The following TMEM25 variants were observed in gnomAD, a reference collection of about 807,000 sequenced individuals.
TMEM25 encodes 0610039J01Rik.
In TMEM25, 36 loss-of-function variants were observed where a neutral mutation model predicts 37.0. The ratio of observed to expected loss-of-function variants is 0.97; its 90% CI spans 0.75 to 1.28. TMEM25 has a LOEUF of 1.28. Ranked by LOEUF, TMEM25 falls within the 50% of genes most tolerant of loss-of-function variation. The pLI, the probability that TMEM25 is intolerant of heterozygous loss-of-function variation, is 0.00. For synonymous variants in TMEM25, 197 were observed against 203.7 expected (o/e 0.97, Z 0.28); for missense variants, 444 against 477.9 (o/e 0.93, Z 0.66).
Position 118,534,372 on chromosome 11 carries a change from C to G in TMEM25, c.1027+17C>G. On this transcript the variant is annotated intron_variant, in intron 8 of 8. Transcript: ENST00000313236. This position sits in a 1 kb window ranked among gnomAD's most constrained non-coding sequence, Gnocchi z 4.6. ...CCAGCCAAGGTACTGGGGAAGGGGC[C>G]TGCCACCCTCCTCCTCTGCCCCCCA... 6.2e-7 allele frequency: 1 copy of G among 1,613,150 alleles called. No individual in the cohort carries two copies. The highest frequency in any genetic ancestry group is 8.5e-7 in the Non-Finnish European group (1 of 1,179,618).
Position 118,545,911 on chromosome 11 carries a change from A to ACTCT in TMEM25, c.1028-199_1028-196dup, listed in dbSNP as rs538187192. 4.6e-4 allele frequency: 661 copies of ACTCT among 1,441,152 alleles called. 2 individuals are homozygous for ACTCT. The African/African-American group carries it at 7.9e-3, about 17-fold the overall frequency. The allele number at this position is 1,441,152 out of a possible 1,614,324, so 89.3% of individuals were successfully genotyped here. ...GGATGGTGTCAGTGGTCCCAGAACC[A>ACTCT]CTCTCTCTCTCTGAAGCAAAAGAGC... On this transcript the variant is annotated intron_variant, in intron 8 of 8. Coordinates refer to the TMEM25 transcript ENST00000354284.
At chr11:118,545,816 G>A (rs1230517039) in intron 8 of TMEM25, 2 of 1,614,072 alleles carry the variant, frequency 1.2e-6, no homozygotes, top group Non-Finnish European at 1.7e-6. Flanking sequence ...AATGTACTCT[G>A]CCAGGCTGCA....
intron 8 of TMEM25, chr11:118,545,579 GGCAGATGGGGTGTC>G: frequency 8.2e-7 from 1 of 1,217,350 alleles, no homozygotes; most frequent in Non-Finnish European, 1.2e-6. Flanking sequence ...GCAAAGCCCT[GGCAGATGGGGTGTC>G]GCTATGACTT....
At chr11:118,544,681 C>G in intron 8 of TMEM25, 1 of 446,066 alleles carries the variant, frequency 2.2e-6, no homozygotes, top group Non-Finnish European at 4.0e-6. Flanking sequence ...TCTTATAACT[C>G]AAATCCCCAC....
In TMEM25 at chr11:118,545,817, C is replaced by T. The variant is rs782657953; in HGVS notation, c.1028-302C>T. On this transcript the variant is annotated intron_variant, in intron 8 of 8. Transcript: ENST00000354284. ...CCACAGATCATGTCAATGTACTCTGCCAGGCTGCAATCAATCTCTGCCGTG... is the reference window on the plus strand; with the variant it reads ...CCACAGATCATGTCAATGTACTCTGTCAGGCTGCAATCAATCTCTGCCGTG... 177 of 1,614,044 alleles carry T rather than the reference C, an allele frequency of 1.1e-4. No individual in the cohort carries two copies. The highest frequency in any genetic ancestry group is 1.5e-4 in the Non-Finnish European group (173 of 1,180,024).
At position 118,531,765 on chromosome 11, in the gene TMEM25, C is replaced by A; in HGVS notation, c.-27-10C>A. ...GTCACCTGGCTGACAGGCCCGCCCC[C>A]TTCTCTCAGCAGCCTAGGGCCTAGG... On this transcript the variant is annotated splice_polypyrimidine_tract_variant and intron_variant, in intron 1 of 8. Transcript: ENST00000313236. The A allele has an allele frequency of 1.3e-6, 2 of 1,533,674 alleles. No homozygotes were observed. Among genetic ancestry groups the A allele is most frequent in the Non-Finnish European group, 1.8e-6 (2 of 1,137,978 alleles).
chr11:118,545,197 ACTC>A (rs1162747157), intron 8 of TMEM25, among the ~76,000 whole-genome samples: 3 of 150,748 alleles, frequency 2.0e-5, no homozygotes, highest in African/African-American at 7.3e-5. Flanking sequence ...AAGGCCCACA[ACTC>A]CTACTTCCAC....
At chr11:118,543,493 T>G (rs184328337) in intron 8 of TMEM25, among the ~76,000 whole-genome samples, 1 of 152,166 alleles carries the variant, frequency 6.6e-6, no homozygotes, top group African/African-American at 2.4e-5. Context: ...ATCATATTAT[T>G]ATATATTTTT....
chr11:118,542,854 G>A (rs1489742244), intron 8 of TMEM25, among the ~76,000 whole-genome samples: 5 of 150,262 alleles, frequency 3.3e-5, no homozygotes, highest in Middle Eastern at 3.3e-3. Context: ...CAGAGGCTGC[G>A]GTATGCCAAG....
chr11:118,542,600 C>T (rs1555065848), intron 8 of TMEM25, among the ~76,000 whole-genome samples: 1 of 151,658 alleles, frequency 6.6e-6, no homozygotes. Flanking sequence ...AAGAACTTGT[C>T]TCTACAAAAA....
chr11:118,534,108 G>T lies in TMEM25; in HGVS notation c.916G>T (p.Asp306Tyr), dbSNP rs1951427750. 6.2e-7 allele frequency: 1 copy of T among 1,613,992 alleles called. No homozygotes were observed. The highest frequency in any genetic ancestry group is 1.3e-5 in the African/African-American group (1 of 74,896). The stretch of plus-strand genomic sequence containing the variant: ...CCTCCCGTCCAACCTTCAGCTCAAT[G>T]ACCTCACTCCAGATTCCAGAGGTAT... ...MSLPSNLQLN[D>Y]LTPDSRAVKP... Residue 306 changes from aspartate to tyrosine, a missense_variant, in exon 7 of 9, where the codon GAC becomes TAC. Transcript: ENST00000313236. This position sits in a 1 kb window ranked among gnomAD's most constrained non-coding sequence, Gnocchi z 4.6.
At chr11:118,542,611 A>T (rs973181009) in intron 8 of TMEM25, among the ~76,000 whole-genome samples, 83 of 152,048 alleles carry the variant, frequency 5.5e-4, no homozygotes, top group African/African-American at 1.8e-3. Flanking sequence ...TCTACAAAAA[A>T]ATATATATAT....
At position 118,532,939 on chromosome 11, in the gene TMEM25, C is replaced by T. The variant is rs782295096; in HGVS notation, c.405C>T (p.Val135=). ...CAGTCAAGCCAGAGATTGCCCAAGT[C>T]GGCGCCAAGTACCAGGAAGCTCAGG... ...NVQFKPEIAQ[V]GAKYQEAQGP... is the part of the protein sequence containing the mutation. Residue 135 remains valine (V), a synonymous_variant, in exon 4 of 9, where the codon GTC becomes GTT. Transcript: ENST00000313236. The T allele has an allele frequency of 9.3e-6, 15 of 1,613,506 alleles. No individual in the cohort carries two copies. Among genetic ancestry groups the T allele is most frequent in the African/African-American group, 4.0e-5 (3 of 74,912 alleles).
At chr11:118,536,386 T>C (rs1169034627), downstream of TMEM25, among the ~76,000 whole-genome samples, 3 of 151,602 alleles carry the variant, frequency 2.0e-5, no homozygotes, top group African/African-American at 7.3e-5. Flanking sequence ...AGAGATGGGG[T>C]TTCTCCATGT....
In TMEM25 at chr11:118,532,438, CCT is replaced by C. The variant is rs1208520840; in HGVS notation, c.362_363del (p.Ser121CysfsTer4). 1.9e-6 allele frequency: 3 copies of C among 1,613,424 alleles called. No individual in the cohort carries two copies. Among genetic ancestry groups the C allele is most frequent in the Non-Finnish European group, 1.7e-6 (2 of 1,179,518 alleles). ...CCCAGAAGTGGCCGATCAGCCAACG[CCT>C]CTGTCATCCTTAATGTGCAATGTGA... On this transcript the variant is annotated frameshift_variant, in exon 3 of 9. Transcript: ENST00000313236. LOFTEE classifies it high-confidence loss of function.
In TMEM25 at chr11:118,534,787, G is replaced by T. The variant is rs542400130; in HGVS notation, c.*207G>T. ...CAGGGGCACAGGTATCTTTGGCAAG[G>T]CTACCAGTTGGACGTAAGCCCCTCA... On this transcript the variant is annotated 3_prime_UTR_variant, in exon 9 of 9. Transcript: ENST00000313236. The surrounding 1 kb of genome is among the most constrained non-coding windows in gnomAD (Gnocchi z 4.6). 42 of 1,408,148 alleles carry T rather than the reference G, an allele frequency of 3.0e-5. No individual in the cohort carries two copies. The African/African-American group carries it at 5.5e-4, about 18-fold the overall frequency. 87.2% of individuals were successfully genotyped at this position (1,408,148 alleles called of 1,614,324 possible).
At chr11:118,532,742 T>G in intron 3 of TMEM25, 175 bp from the exon 4 acceptor site, 1 of 954,422 alleles carries the variant, frequency 1.0e-6, no homozygotes, top group Non-Finnish European at 1.5e-6. Flanking sequence ...GGCTCTAGTA[T>G]TTACACTCAT....
chr11:118,531,539 T>C, intron 1 of TMEM25: 1 of 552,028 alleles, frequency 1.8e-6, no homozygotes, highest in Non-Finnish European at 3.2e-6. Context: ...GTGTGCCTCT[T>C]TGTATTGTAG....
rs782067741 is a variant in TMEM25, at chr11:118,533,439, G to A, written c.693G>A (p.Val231=). 7 of 1,613,890 alleles carry A rather than the reference G, an allele frequency of 4.3e-6. No homozygotes were observed. Among genetic ancestry groups the A allele is most frequent in the African/African-American group, 4.0e-5 (3 of 74,938 alleles). ...LPAPGLLATR[V]EVPLLGIVVA... ...CTCCAGGGCTTCTGGCTACCCGGGT[G>A]GAAGTGCCACTGCTGGGCATTGTTG... is the stretch of plus-strand genomic sequence containing the variant. Residue 231 remains valine, a synonymous_variant, in exon 5 of 9, where the codon GTG becomes GTA. Transcript: ENST00000313236.
Sources: gnomAD v4.1 joint callset for allele counts (sites outside exome capture counted in the v4.1 genomes callset) on GRCh38, gnomAD v4.1.1 for gene constraint, Gnocchi (gnomAD v3.1) non-coding constraint, MANE v1.5 for transcripts, NCBI Gene and HGNC (gene_info 2026-07-23, HGNC 2026-07-21) for gene names.